Variants in SGO1 observed in about 807,000 individuals in gnomAD.
SGO1 encodes shugoshin 1.
In SGO1, 39 loss-of-function variants were observed where a neutral mutation model predicts 50.5. The ratio of observed to expected loss-of-function variants is 0.77; its 90% CI spans 0.60 to 1.01. The LOEUF (loss-of-function observed/expected upper bound fraction) is 1.01. SGO1 is among the 50% of genes least tolerant of loss of function. SGO1 has a pLI of 0.00. For missense variants in SGO1, 638 were observed against 606.0 expected, an observed-to-expected ratio of 1.05 and a Z score of -0.55; for synonymous variants, 191 against 205.1, an observed-to-expected ratio of 0.93 and a Z score of 0.59.
chr3:20,166,673 CAT>C (rs1391925694), downstream of SGO1, among the ~76,000 whole-genome samples: 1 of 151,688 alleles, frequency 6.6e-6, no homozygotes. Flanking sequence ...GTTGCACAAT[CAT>C]GTGAATGTAC....
At chr3:20,175,692 G>A (rs1020327987) in intron 5 of SGO1, among the ~76,000 whole-genome samples, 7 of 151,810 alleles carry the variant, frequency 4.6e-5, no homozygotes, top group Non-Finnish European at 8.8e-5. Context: ...CCAACTACTC[G>A]GGAGACTGAG....
In SGO1 at chr3:20,183,982, C is replaced by G; in HGVS notation, c.46G>C (p.Glu16Gln). ...TCTTTCATTCGCTTCTTTATGTCTTCAAGACTATCTTGAAAGGACTTTTTC... is the reference window on the plus strand; with the variant it reads ...TCTTTCATTCGCTTCTTTATGTCTTGAAGACTATCTTGAAAGGACTTTTTC... ...CLKKSFQDSL[E>Q]DIKKRMKEKR... Residue 16 changes from glutamate (E) to glutamine (Q), a missense_variant, in exon 2 of 8, where the codon GAA becomes CAA. Transcript: ENST00000412997. The G allele has an allele frequency of 6.2e-7, 1 of 1,607,746 alleles. No homozygotes were observed. Among genetic ancestry groups the G allele is most frequent in the Non-Finnish European group, 8.5e-7 (1 of 1,178,558 alleles).
At chr3:20,176,514 AAGAATT>A in intron 5 of SGO1, 81 bp downstream of exon 5, 1 of 835,404 alleles carries the variant, frequency 1.2e-6, no homozygotes, top group Non-Finnish European at 1.9e-6. Flanking sequence ...GTTAAAAAAA[AAGAATT>A]AGATAAATTT....
rs1453242075 is a variant in SGO1 at position 20,169,594 on chromosome 3, G to A, written c.*1110C>T. 3.2e-5 allele frequency: 32 copies of A among 984,966 alleles called. No homozygotes were observed. The highest frequency in any genetic ancestry group is 4.7e-5 in the South Asian group (1 of 21,290). 61.0% of individuals were successfully genotyped at this position (984,966 alleles called of 1,614,324 possible). A position where few individuals can be genotyped will look rare whatever the true frequency, so the allele number is the denominator to read the frequency against. On this transcript the variant is annotated 3_prime_UTR_variant, in exon 8 of 8. Transcript: ENST00000412997. Reference sequence around the variant, plus strand: ...CAAACTTTCTAAACTGAACTAATTCGCTTTCATTGGTTGGTCAAAAATATG... The same window carrying A: ...CAAACTTTCTAAACTGAACTAATTCACTTTCATTGGTTGGTCAAAAATATG...
At chr3:20,177,510 C>T (rs1263102606) in intron 4 of SGO1, among the ~76,000 whole-genome samples, 1 of 152,128 alleles carries the variant, frequency 6.6e-6, no homozygotes, top group Non-Finnish European at 1.5e-5. Flanking sequence ...GGGAACATGC[C>T]ACAATATCTG....
chr3:20,181,803 C>T lies in SGO1; in HGVS notation c.339+1805G>A, dbSNP rs150236068. Among the ~76,000 whole-genome samples, 391 of 152,236 alleles carry T rather than the reference C, an allele frequency of 2.6e-3. 7 individuals are homozygous for T. Among genetic ancestry groups the T allele is most frequent in the Non-Finnish European group, 8.2e-4 (56 of 68,012 alleles). On this transcript the variant is annotated intron_variant, in intron 3 of 7. Coordinates refer to ENST00000412997, the MANE Select transcript of SGO1 (RefSeq NM_001199251.3). ...AAGAAAAAGAAAAAGTAATCTACCACGCCTGGCACAGTGGCTCATGCCTGT... is the reference window on the plus strand; with the variant it reads ...AAGAAAAAGAAAAAGTAATCTACCATGCCTGGCACAGTGGCTCATGCCTGT...
At chr3:20,169,431 G>A (rs1700499456), downstream of SGO1, 3 of 984,316 alleles carry the variant, frequency 3.0e-6, no homozygotes, top group East Asian at 2.3e-4. Flanking sequence ...GAATAGTGAA[G>A]ACAGAGAGAT....
chr3:20,179,228 G>A (rs1486854633), intron 3 of SGO1, among the ~76,000 whole-genome samples: 3 of 152,172 alleles, frequency 2.0e-5, no homozygotes, highest in African/African-American at 7.2e-5. Flanking sequence ...CTGTGGGGGA[G>A]ACAAGGGGAA....
Position 20,178,284 on chromosome 3 carries a change from C to G in SGO1, c.403G>C (p.Val135Leu). 6.2e-7 allele frequency: 1 copy of G among 1,610,554 alleles called. No individual in the cohort carries two copies. Among genetic ancestry groups the G allele is most frequent in the African/African-American group, 1.3e-5 (1 of 74,948 alleles). Residue 135 changes from valine (V) to leucine (L), a missense_variant, in exon 4 of 8, where the codon GTG becomes CTG. Coordinates refer to ENST00000412997, the MANE Select transcript of SGO1 (RefSeq NM_001199251.3). ...TTTGATACTAACGGTAAATCCTTCA[C>G]AAATAAATTTCTGGAGCTGTCATCA... is the stretch of plus-strand genomic sequence containing the variant. ...NSDDSSRNLF[V>L]KDLPQIPLEE...
chr3:20,175,502 T>TA (rs1293907774), intron 5 of SGO1, among the ~76,000 whole-genome samples: 1 of 152,102 alleles, frequency 6.6e-6, no homozygotes, highest in Non-Finnish European at 1.5e-5. Context: ...TTATAATCTT[T>TA]AAAAACATTA....
chr3:20,169,583 T>C lies in SGO1; in HGVS notation c.*1121A>G. The C allele has an allele frequency of 2.0e-6, 2 of 985,318 alleles. No homozygotes were observed. Among genetic ancestry groups the C allele is most frequent in the Non-Finnish European group, 2.4e-6 (2 of 829,798 alleles). 61.0% of individuals were successfully genotyped at this position (985,318 alleles called of 1,614,324 possible). A position where few individuals can be genotyped will look rare whatever the true frequency, so the allele number is the denominator to read the frequency against. On this transcript the variant is annotated 3_prime_UTR_variant, in exon 8 of 8. Coordinates refer to ENST00000412997, the MANE Select transcript of SGO1 (RefSeq NM_001199251.3). ...AGTATAGACATCAAACTTTCTAAAC[T>C]GAACTAATTCGCTTTCATTGGTTGG...
At chr3:20,169,395 A>AG, downstream of SGO1, 1 of 984,752 alleles carries the variant, frequency 1.0e-6, no homozygotes, top group Non-Finnish European at 1.2e-6. Context: ...TACCAAGGGG[A>AG]GGGGAGAGGA....
Position 20,170,999 on chromosome 3 carries a change from G to A in SGO1, c.1472+44C>T, listed in dbSNP as rs769632663. The A allele has an allele frequency of 1.8e-5, 27 of 1,526,064 alleles. No individual in the cohort carries two copies. The East Asian group carries it at 2.8e-4, about 16-fold the overall frequency. The allele number at this position is 1,526,064 out of a possible 1,614,324, so 94.5% of individuals were successfully genotyped here. On this transcript the variant is annotated intron_variant, in intron 7 of 7. Transcript: ENST00000412997. ...AAAGCTCCATAACCTTATTCCCCCC[G>A]ACATGTATCATTAAAAATAAGTTCC...
chr3:20,179,210 T>C lies in SGO1; in HGVS notation c.340-863A>G, dbSNP rs543972903. Among the ~76,000 whole-genome samples the C allele has an allele frequency of 2.2e-4, 33 of 152,284 alleles. No individual in the cohort carries two copies. In the South Asian group the frequency reaches 6.4e-3, roughly 30 times the overall value. On this transcript the variant is annotated intron_variant, in intron 3 of 7. Transcript: ENST00000412997. ...GACTTATAAAGGAAGGTAGGAAGTA[T>C]ACAGCATCTGTGGGGGAGACAAGGG...
chr3:20,171,223 G>A lies in SGO1; in HGVS notation c.1292C>T (p.Pro431Leu). 6.4e-7 allele frequency: 1 copy of A among 1,571,974 alleles called. No homozygotes were observed. The highest frequency in any genetic ancestry group is 8.6e-7 in the Non-Finnish European group (1 of 1,166,472). Reference protein sequence around the residue: ...KPTKTPTTTPPETQQSPHLSL... With the variant: ...KPTKTPTTTPLETQQSPHLSL... The stretch of plus-strand genomic sequence containing the variant: ...AAGATGAGGTGACTGCTGAGTTTCA[G>A]GTGGTGTAGCTACAAAACAATTTTT... Residue 431 changes from proline to leucine, a missense_variant, in exon 7 of 8, where the codon CCT becomes CTT. Coordinates refer to ENST00000412997, the MANE Select transcript of SGO1 (RefSeq NM_001199251.3).
At chr3:20,179,611 A>G (rs938937175) in intron 3 of SGO1, among the ~76,000 whole-genome samples, 1 of 151,920 alleles carries the variant, frequency 6.6e-6, no homozygotes, top group African/African-American at 2.4e-5. Flanking sequence ...TTTATTTTGT[A>G]GAGATGGGAG....
chr3:20,177,462 T>C (rs1046194842), intron 4 of SGO1, among the ~76,000 whole-genome samples: 3 of 152,198 alleles, frequency 2.0e-5, no homozygotes, highest in African/African-American at 7.2e-5. Context: ...GAACTGTCTA[T>C]GGCAGTAGTT....
intron 4 of SGO1, 93 bp from the exon 5 acceptor site, chr3:20,176,752 G>T: frequency 1.2e-6 from 1 of 821,804 alleles, no homozygotes; most frequent in Non-Finnish European, 1.9e-6. Flanking sequence ...CTTTCCTTTA[G>T]TATCATTTCA....
intron 3 of SGO1, among the ~76,000 whole-genome samples, chr3:20,179,728 C>T (rs960639446): frequency 1.3e-5 from 2 of 151,948 alleles, no homozygotes; most frequent in African/African-American, 2.4e-5. Flanking sequence ...TGTGCCTGGC[C>T]AATAAAATGC....
Sources: gnomAD v4.1 joint callset for allele counts (sites outside exome capture counted in the v4.1 genomes callset) on GRCh38, gnomAD v4.1.1 for gene constraint, MANE v1.5 for transcripts, NCBI Gene and HGNC (gene_info 2026-07-23, HGNC 2026-07-21) for gene names.